STX17: variants seen among roughly 807,000 people sequenced by gnomAD.
STX17 encodes syntaxin-17.
A neutral mutation model predicts 35.9 loss-of-function variants in STX17; 29 were observed. The ratio of observed to expected loss-of-function variants is 0.81; its 90% CI spans 0.60 to 1.10. The LOEUF is 1.10. Ranked by LOEUF, STX17 falls within the 50% of genes least tolerant of loss-of-function variation. The probability of loss-of-function intolerance (pLI) is 0.00; values close to 1 mark genes in which losing one functional copy is unlikely to be tolerated. For missense variants in STX17, 312 were observed against 352.3 expected, an observed-to-expected ratio of 0.89 and a Z score of 0.92; for synonymous variants, 92 against 118.3, an observed-to-expected ratio of 0.78 and a Z score of 1.44.
intron 2 of STX17, among the ~76,000 whole-genome samples, chr9:99,918,743 A>G (rs985157671): frequency 6.6e-6 from 1 of 152,046 alleles, no homozygotes; most frequent in African/African-American, 2.4e-5. Flanking sequence ...TGAATAGCTG[A>G]GAATCTATTT....
Position 99,915,163 on chromosome 9 carries a change from A to T in STX17, c.-62-15A>T. ...CAGATTTGAAAACATTCTTAAAGAAATATTTTTCTTTTAGGTTTTTCTATA... is the reference window on the plus strand; with the variant it reads ...CAGATTTGAAAACATTCTTAAAGAATTATTTTTCTTTTAGGTTTTTCTATA... On this transcript the variant is annotated splice_polypyrimidine_tract_variant and intron_variant, in intron 1 of 7. Transcript: ENST00000259400. 1 of 1,437,954 alleles carries T rather than the reference A, an allele frequency of 7.0e-7. No homozygotes were observed. The highest frequency in any genetic ancestry group is 9.2e-7 in the Non-Finnish European group (1 of 1,084,930). The allele number at this position is 1,437,954 out of a possible 1,614,324, so 89.1% of individuals were successfully genotyped here.
chr9:99,966,791 A>G (rs766859494), intron 6 of STX17, among the ~76,000 whole-genome samples: 7 of 152,252 alleles, frequency 4.6e-5, no homozygotes, highest in Non-Finnish European at 8.8e-5. Flanking sequence ...TGAATTAAAA[A>G]TGGGAATGTG....
intron 3 of STX17, among the ~76,000 whole-genome samples, chr9:99,932,460 T>C (rs1829145134): frequency 6.6e-6 from 1 of 152,166 alleles, no homozygotes; most frequent in Admixed American, 6.5e-5. Context: ...GTCTCCACTA[T>C]TTGTATATTC....
At position 99,973,786 on chromosome 9, in the gene STX17, G is replaced by A. The variant is rs1195061990; in HGVS notation, c.*5113G>A. Among the ~76,000 whole-genome samples the A allele has an allele frequency of 6.6e-6, 1 of 152,054 alleles. No homozygotes were observed. Among genetic ancestry groups the A allele is most frequent in the Non-Finnish European group, 1.5e-5 (1 of 68,026 alleles). On this transcript the variant is annotated 3_prime_UTR_variant, in exon 8 of 8. Coordinates refer to ENST00000259400, the MANE Select transcript of STX17 (RefSeq NM_017919.3). Reference sequence around the variant, plus strand: ...TTTTTCTGCTGAAAGATTTTCAGTGGTTCCCACTGAATACCAAATAAAGTT... The same window carrying A: ...TTTTTCTGCTGAAAGATTTTCAGTGATTCCCACTGAATACCAAATAAAGTT...
rs537149561 is a variant in STX17, at chr9:99,924,081, T to A, written c.124-4697T>A. ...GGACAAAAAGGGTATGATCTAATACTAACAGACTGAGTGGAGAAACCCAAC... is the reference window on the plus strand; with the variant it reads ...GGACAAAAAGGGTATGATCTAATACAAACAGACTGAGTGGAGAAACCCAAC... On this transcript the variant is annotated intron_variant, in intron 2 of 7. Transcript: ENST00000259400. 9.2e-5 allele frequency among the ~76,000 whole-genome samples: 14 copies of A among 152,352 alleles called. No homozygotes were observed. The South Asian group carries it at 2.9e-3, about 32-fold the overall frequency.
chr9:99,944,603 C>T (rs1325197751), intron 3 of STX17, among the ~76,000 whole-genome samples: 3 of 151,758 alleles, frequency 2.0e-5, no homozygotes, highest in Admixed American at 6.6e-5. Context: ...CAACCTCCGC[C>T]TCTTGGGTTC....
chr9:99,919,384 C>G (rs554598431), intron 2 of STX17, among the ~76,000 whole-genome samples: 63 of 152,246 alleles, frequency 4.1e-4, no homozygotes, highest in Non-Finnish European at 6.8e-4. Context: ...GCTAGGATTA[C>G]AGACATGAAC....
chr9:99,908,848 C>T (rs941138751), intron 1 of STX17, among the ~76,000 whole-genome samples: 6 of 152,178 alleles, frequency 3.9e-5, no homozygotes, highest in Admixed American at 1.3e-4. Context: ...CATATGCATA[C>T]CCATGCATAC....
intron 1 of STX17, chr9:99,907,280 C>G (rs1564054241): frequency 6.6e-6 from 1 of 152,196 alleles, no homozygotes; most frequent in East Asian, 1.9e-4. Context: ...TTTACTTTGA[C>G]TTTTCTCTCC....
chr9:99,935,869 T>G (rs1347599512), intron 3 of STX17, among the ~76,000 whole-genome samples: 3 of 152,114 alleles, frequency 2.0e-5, no homozygotes, highest in Non-Finnish European at 4.4e-5. Context: ...TGTGGCATAG[T>G]CAAGAAATAG....
chr9:99,967,922 A>C (rs1829948298), intron 7 of STX17, among the ~76,000 whole-genome samples, 183 bp downstream of exon 7: 1 of 152,264 alleles, frequency 6.6e-6, no homozygotes, highest in Admixed American at 6.5e-5. Context: ...GATTCATTCT[A>C]TCAGGAGAGG....
At chr9:99,928,920 T>C in intron 3 of STX17, 77 bp downstream of exon 3, 1 of 1,304,624 alleles carries the variant, frequency 7.7e-7, no homozygotes, top group South Asian at 1.3e-5. Flanking sequence ...AATATTACCT[T>C]TGCAGCTGAA....
chr9:99,973,641 G>A lies in STX17; in HGVS notation c.*4968G>A, dbSNP rs1830055005. 6.6e-6 allele frequency among the ~76,000 whole-genome samples: 1 copy of A among 151,984 alleles called. No homozygotes were observed. Among genetic ancestry groups the A allele is most frequent in the Non-Finnish European group, 1.5e-5 (1 of 68,010 alleles). ...TGCATCCATTTCTAAATATATCCAT[G>A]GCCATCACCCTAGTAAAAAGACTAT... On this transcript the variant is annotated 3_prime_UTR_variant, in exon 8 of 8. Coordinates refer to ENST00000259400, the MANE Select transcript of STX17 (RefSeq NM_017919.3).
intron 2 of STX17, among the ~76,000 whole-genome samples, chr9:99,925,009 T>G (rs1320535378): frequency 3.3e-5 from 5 of 152,218 alleles, no homozygotes; most frequent in Admixed American, 6.5e-5. Flanking sequence ...CAAATGATTA[T>G]CTTTAAATCT....
chr9:99,908,099 C>T (rs993403985), intron 1 of STX17, among the ~76,000 whole-genome samples: 2 of 152,200 alleles, frequency 1.3e-5, no homozygotes, highest in African/African-American at 4.8e-5. Flanking sequence ...TTGTTAAGAA[C>T]ACAAAAGTGT....
intron 2 of STX17, among the ~76,000 whole-genome samples, chr9:99,926,388 A>G (rs903975541): frequency 6.6e-6 from 1 of 152,182 alleles, no homozygotes; most frequent in African/African-American, 2.4e-5. Context: ...TTTGGATACC[A>G]GACATTGTGA....
chr9:99,926,657 C>T (rs1406155354), intron 2 of STX17, among the ~76,000 whole-genome samples: 1 of 151,984 alleles, frequency 6.6e-6, no homozygotes. Flanking sequence ...GTCACCACAC[C>T]CGGCTAATTT....
chr9:99,933,529 T>A (rs1292476354), intron 3 of STX17, among the ~76,000 whole-genome samples: 1 of 152,202 alleles, frequency 6.6e-6, no homozygotes, highest in Non-Finnish European at 1.5e-5. Flanking sequence ...CTAGTTTTCC[T>A]GCCTGTGAAT....
At position 99,974,497 on chromosome 9, in the gene STX17, A is replaced by T. The variant is rs750520391; in HGVS notation, c.*5824A>T. On this transcript the variant is annotated 3_prime_UTR_variant, in exon 8 of 8. Transcript: ENST00000259400. ...TTATTACATTGCTGAGTGGTGCTTG[A>T]ATAAGGAAACATGCAATAAATTTAC... Among the ~76,000 whole-genome samples the T allele has an allele frequency of 8.5e-5, 13 of 152,344 alleles. No individual in the cohort carries two copies. Among genetic ancestry groups the T allele is most frequent in the Admixed American group, 4.6e-4 (7 of 15,300 alleles).
Sources: allele counts gnomAD v4.1 joint callset (sites outside exome capture counted in the v4.1 genomes callset), GRCh38; gene constraint gnomAD v4.1.1; transcripts MANE v1.5; gene names NCBI Gene and HGNC (gene_info 2026-07-23, HGNC 2026-07-21).